The following ZDHHC11B variants were observed in gnomAD, a reference collection of about 807,000 sequenced individuals.
ZDHHC11B encodes probable palmitoyltransferase ZDHHC11B.
In ZDHHC11B, 17 loss-of-function variants were observed where a neutral mutation model predicts 42.3. That is an observed-to-expected ratio of 0.40 (90% CI 0.27 to 0.60). ZDHHC11B has a LOEUF of 0.60. Ranked by LOEUF, ZDHHC11B falls within the 20% of genes least tolerant of loss-of-function variation. The pLI is 0.41. For missense variants in ZDHHC11B, 262 were observed against 463.2 expected, an observed-to-expected ratio of 0.57 and a Z score of 3.99; for synonymous variants, 123 against 193.5, an observed-to-expected ratio of 0.64 and a Z score of 3.02.
intron 13 of ZDHHC11B, among the ~76,000 whole-genome samples, chr5:713,475 C>CA (rs1404629024): frequency 2.0e-5 from 3 of 152,108 alleles, no homozygotes; most frequent in African/African-American, 7.2e-5. Flanking sequence ...TGCTGCTTCT[C>CA]ACTCAGTGCT....
rs1735552052 is a variant in ZDHHC11B at position 767,158 on chromosome 5, G to C, written c.-1+234C>G. ...ATGCTGCAGAATCTGACCCTGGCCA[G>C]AGCCGAGTGGCAACAGAAAATGGCT... is the stretch of plus-strand genomic sequence containing the variant. On this transcript the variant is annotated intron_variant, in intron 3 of 13. Transcript: ENST00000508859. 2.0e-5 allele frequency among the ~76,000 whole-genome samples: 3 copies of C among 151,990 alleles called. No individual in the cohort carries two copies. In the South Asian group the frequency reaches 6.2e-4, roughly 32 times the overall value.
At chr5:764,527 G>A (rs6882378) in intron 4 of ZDHHC11B, among the ~76,000 whole-genome samples, 3,260 of 151,140 alleles carry the variant, frequency 0.022, 134 homozygotes, top group African/African-American at 0.076. Context: ...TGGAGGGTGC[G>A]CCAGGTCCCC....
intron 2 of ZDHHC11B, 51 bp from the exon 3 acceptor site, chr5:767,575 G>A (rs556675697): frequency 1.5e-5 from 20 of 1,329,590 alleles, no homozygotes; most frequent in South Asian, 2.7e-5. Context: ...GGAAGGACTC[G>A]GTGTGCAGGC....
At chr5:773,015 G>C (rs1736182042) in intron 1 of ZDHHC11B, among the ~76,000 whole-genome samples, 1 of 152,000 alleles carries the variant, frequency 6.6e-6, no homozygotes. Flanking sequence ...GCTGGGTCTG[G>C]AGGAGCAGGA....
chr5:713,166 T>C lies in ZDHHC11B; in HGVS notation c.*8-884A>G, dbSNP rs1183771013. 1.3e-5 allele frequency among the ~76,000 whole-genome samples: 2 copies of C among 151,712 alleles called. 1 individual carries two copies. The highest frequency in any genetic ancestry group is 2.9e-5 in the Non-Finnish European group (2 of 67,934). The stretch of plus-strand genomic sequence containing the variant: ...GCCTTCAAACTGTATTCTCATTCAT[T>C]TTTTTCACATTTTGCATTTCTGTCA... On this transcript the variant is annotated intron_variant, in intron 13 of 13. Transcript: ENST00000508859.
chr5:764,712 T>A (rs1735050357), intron 4 of ZDHHC11B, among the ~76,000 whole-genome samples: 2 of 151,868 alleles, frequency 1.3e-5, no homozygotes, highest in African/African-American at 4.8e-5. Context: ...CGGCACCCGG[T>A]CCCATCCACC....
In ZDHHC11B at chr5:756,283, C is replaced by T. The variant is rs1205143657; in HGVS notation, c.223-139G>A. The T allele has an allele frequency of 6.6e-6, 9 of 1,354,708 alleles. No individual in the cohort carries two copies. The Admixed American group carries it at 2.0e-4, about 30-fold the overall frequency. 83.9% of individuals were successfully genotyped at this position (1,354,708 alleles called of 1,614,324 possible). A position where few individuals can be genotyped will look rare whatever the true frequency, so the allele number is the denominator to read the frequency against. On this transcript the variant is annotated intron_variant, in intron 4 of 13. Transcript: ENST00000508859. ...GCCCTGCACACGTGAGCCCAGCTCA[C>T]CCAGGCCTGGCCCTGCTCACATGGC...
intron 10 of ZDHHC11B, among the ~76,000 whole-genome samples, chr5:740,117 G>T (rs1251642376): frequency 4.2e-5 from 5 of 119,626 alleles, no homozygotes; most frequent in Non-Finnish European, 3.8e-5. Context: ...TGGGCTTTTG[G>T]GACTCAGGGG....
intron 1 of ZDHHC11B, among the ~76,000 whole-genome samples, chr5:772,197 A>T (rs1397438698): frequency 1.3e-5 from 2 of 149,770 alleles, no homozygotes; most frequent in Non-Finnish European, 3.0e-5. Context: ...GTGAGCAGAG[A>T]TGCGGACGGG....
In ZDHHC11B at chr5:722,551, G is replaced by C. The variant is rs1277627289; in HGVS notation, c.1059-5686C>G. On this transcript the variant is annotated intron_variant, in intron 12 of 13. Coordinates refer to ENST00000508859, the MANE Select transcript of ZDHHC11B (RefSeq NM_001351303.2). ...GTGTTGGAGAGGACATGAAGCAATA[G>C]GACTTCTTATACCCTGCTGTGAGAG... Among the ~76,000 whole-genome samples, 78 of 151,658 alleles carry C rather than the reference G, an allele frequency of 5.1e-4. 1 individual carries two copies. Among genetic ancestry groups the C allele is most frequent in the African/African-American group, 1.8e-3 (73 of 41,178 alleles).
chr5:737,403 TGGAAACTATTACAAAAGATAAGA>T, intron 10 of ZDHHC11B, among the ~76,000 whole-genome samples: 1 of 149,512 alleles, frequency 6.7e-6, no homozygotes, highest in East Asian at 2.0e-4. Context: ...ACCTATCTTA[TGGAAACTATTACAAAAGATAAGA>T]GGGAATCGTC....
At chr5:777,558 G>A (rs994013126) in intron 1 of ZDHHC11B, among the ~76,000 whole-genome samples, 1 of 151,944 alleles carries the variant, frequency 6.6e-6, no homozygotes, top group Non-Finnish European at 1.5e-5. Flanking sequence ...GTTGCGGCAG[G>A]GCGTTCCGGC....
intron 13 of ZDHHC11B, among the ~76,000 whole-genome samples, chr5:713,898 C>T (rs1357910816): frequency 7.6e-6 from 1 of 132,022 alleles, no homozygotes; most frequent in African/African-American, 2.7e-5. Context: ...GTGCTCTCAG[C>T]TTGATCTGCC....
chr5:739,927 AC>A (rs1743978562), intron 10 of ZDHHC11B, among the ~76,000 whole-genome samples: 1 of 151,516 alleles, frequency 6.6e-6, no homozygotes, highest in Non-Finnish European at 1.5e-5. Flanking sequence ...ATATGTAAAT[AC>A]CATGGAATAC....
chr5:728,608 C>T lies in ZDHHC11B; in HGVS notation c.1058+1826G>A, dbSNP rs529770120. ...CCATATTGTTGAAGAAATTAAAATT[C>T]AGGAAGGGAGGTGCAGAATATTTTT... is the stretch of plus-strand genomic sequence containing the variant. On this transcript the variant is annotated intron_variant, in intron 12 of 13. Transcript: ENST00000508859. Among the ~76,000 whole-genome samples the T allele has an allele frequency of 2.6e-5, 4 of 152,104 alleles. No homozygotes were observed. The East Asian group carries it at 7.7e-4, about 29-fold the overall frequency.
intron 13 of ZDHHC11B, 40 bp downstream of exon 13, chr5:716,761 G>T: frequency 6.2e-7 from 1 of 1,611,372 alleles, no homozygotes; most frequent in African/African-American, 1.3e-5. Flanking sequence ...AACCAAACTT[G>T]GGTAGATTTC....
intron 12 of ZDHHC11B, among the ~76,000 whole-genome samples, chr5:722,144 T>A (rs1389774238): frequency 6.6e-6 from 1 of 151,880 alleles, no homozygotes; most frequent in East Asian, 1.9e-4. Context: ...CTTTTGGATA[T>A]TTTGGTGAAA....
At chr5:761,613 G>A (rs1419160452) in intron 4 of ZDHHC11B, among the ~76,000 whole-genome samples, 1 of 151,878 alleles carries the variant, frequency 6.6e-6, no homozygotes, top group African/African-American at 2.4e-5. Context: ...TGTGTGCCGG[G>A]TGGACACGTG....
chr5:778,264 G>A (rs1736706860), intron 1 of ZDHHC11B, among the ~76,000 whole-genome samples: 4 of 151,758 alleles, frequency 2.6e-5, no homozygotes, highest in Admixed American at 6.6e-5. Flanking sequence ...TAGAGATCCC[G>A]GCTGGCTCAT....
Sources: allele counts gnomAD v4.1 joint callset (sites outside exome capture counted in the v4.1 genomes callset), GRCh38; gene constraint gnomAD v4.1.1; transcripts MANE v1.5; gene names NCBI Gene and HGNC (gene_info 2026-07-23, HGNC 2026-07-21).